The following SLC2A7 variants were observed in gnomAD, a reference collection of about 807,000 sequenced individuals.
SLC2A7 encodes solute carrier family 2, facilitated glucose transporter member 7.
In SLC2A7, 50 loss-of-function variants were observed where a neutral mutation model predicts 50.5. That is an observed-to-expected ratio of 0.99 (90% CI 0.79 to 1.25). The LOEUF is 1.25. SLC2A7 is among the 50% of genes most tolerant of loss of function. The probability of loss-of-function intolerance (pLI) is 0.00; values close to 1 mark genes in which losing one functional copy is unlikely to be tolerated. For synonymous variants in SLC2A7, 308 were observed against 300.4 expected, an observed-to-expected ratio of 1.03 and a Z score of -0.26; for missense variants, 683 against 679.1, an observed-to-expected ratio of 1.01 and a Z score of -0.06.
chr1:9,010,294 G>A (rs1456030085), intron 8 of SLC2A7, 50 bp from the exon 9 acceptor site: 8 of 1,471,936 alleles, frequency 5.4e-6, no homozygotes, highest in Non-Finnish European at 9.3e-7. Flanking sequence ...GGCGCCCACG[G>A]TTCTTGGGCC....
intron 2 of SLC2A7, among the ~76,000 whole-genome samples, chr1:9,023,476 G>A (rs1422632634): frequency 2.0e-5 from 3 of 152,122 alleles, no homozygotes; most frequent in South Asian, 2.1e-4. Flanking sequence ...GCGTGGTGGC[G>A]GGCGCCTGTA....
chr1:8,997,636 G>A, the SLC2A7 span, among the ~76,000 whole-genome samples: 1 of 152,096 alleles, frequency 6.6e-6, no homozygotes, highest in Non-Finnish European at 1.5e-5. Flanking sequence ...CTGACCTGGT[G>A]ATCTGCCTGC....
At chr1:9,017,735 T>C (rs922970321) in intron 5 of SLC2A7, among the ~76,000 whole-genome samples, 1 of 152,054 alleles carries the variant, frequency 6.6e-6, no homozygotes, top group Admixed American at 6.6e-5. Context: ...CACACTCCTC[T>C]CTCCTAAATC....
chr1:8,997,323 CAAAT>C, the SLC2A7 span, among the ~76,000 whole-genome samples: 10 of 152,068 alleles, frequency 6.6e-5, no homozygotes, highest in Non-Finnish European at 1.0e-4. Context: ...AACAAACAAA[CAAAT>C]AAACAAACAA....
intron 5 of SLC2A7, among the ~76,000 whole-genome samples, chr1:9,017,958 G>A (rs778022322): frequency 6.6e-6 from 1 of 151,800 alleles, no homozygotes; most frequent in Non-Finnish European, 1.5e-5. Context: ...CTCTTCTCTC[G>A]ACCTCACTTC....
intron 3 of SLC2A7, among the ~76,000 whole-genome samples, chr1:9,020,550 G>GCC (rs542024818): frequency 2.7e-4 from 38 of 143,074 alleles, no homozygotes; most frequent in East Asian, 1.8e-3. Context: ...TGGCTCCTGT[G>GCC]CCCCCCCCCA....
At chr1:9,016,623 AGGAG>A (rs1282913226) in intron 5 of SLC2A7, among the ~76,000 whole-genome samples, 1 of 146,642 alleles carries the variant, frequency 6.8e-6, no homozygotes, top group Admixed American at 6.8e-5. Context: ...AAGGAAGGGA[AGGAG>A]GGAGGGAGGG....
chr1:9,012,123 C>T (rs921536433), intron 8 of SLC2A7, among the ~76,000 whole-genome samples: 2 of 152,092 alleles, frequency 1.3e-5, no homozygotes, highest in African/African-American at 4.8e-5. Flanking sequence ...CTGTACAGCC[C>T]CTTGACTCAT....
Position 9,023,021 on chromosome 1 carries a change from C to T in SLC2A7, c.208G>A (p.Gly70Arg), listed in dbSNP as rs142873567. The T allele has an allele frequency of 5.0e-5, 80 of 1,614,108 alleles. No homozygotes were observed. In the Middle Eastern group the frequency reaches 6.6e-4, roughly 13 times the overall value. Reference protein sequence around the residue: ...YFERHATFMDGKLMLLLWSCT... With the variant: ...YFERHATFMDRKLMLLLWSCT... The stretch of plus-strand genomic sequence containing the variant: ...GACCATAGAAGCAGCATGAGCTTCC[C>T]GTCCATGAATGTTGCGTGTCGCTCA... The change falls in exon 3 of 12, where the codon GGG becomes AGG. Residue 70 changes from glycine to arginine, a missense_variant. Coordinates refer to ENST00000400906, the MANE Select transcript of SLC2A7 (RefSeq NM_207420.3).
In SLC2A7 at chr1:9,013,572, C is replaced by G; in HGVS notation, c.967G>C (p.Val323Leu). 6.2e-7 allele frequency: 1 copy of G among 1,614,088 alleles called. No individual in the cohort carries two copies. Among genetic ancestry groups the G allele is most frequent in the Non-Finnish European group, 8.5e-7 (1 of 1,180,014 alleles). ...AGVEAAHSQY[V>L]TVGSGVVNIV... ...TTGACGACGCCAGAGCCCACCGTTA[C>G]ATATTGGGAGTGAGCGGCCTCCACG... The change falls in exon 8 of 12, where the codon GTA becomes CTA. Residue 323 changes from valine to leucine, a missense_variant. By Grantham distance (32) the Val-to-Leu change is conservative. Transcript: ENST00000400906.
In SLC2A7 at chr1:9,018,245, C is replaced by T. The variant is rs1190611114; in HGVS notation, c.567G>A (p.Gln189=). The change falls in exon 5 of 12, where the codon CAG becomes CAA. Residue 189 remains glutamine (Q), a synonymous_variant. Coordinates refer to ENST00000400906, the MANE Select transcript of SLC2A7 (RefSeq NM_207420.3). ...TACCTGCCGGGTTGCCCAAGATGGC[C>T]TGGAGGCTGAAGATCTGTGCTAGGA... ...GVFLAQIFSL[Q]AILGNPAGWP... The T allele has an allele frequency of 6.2e-7, 1 of 1,614,146 alleles. No homozygotes were observed. Among genetic ancestry groups the T allele is most frequent in the Non-Finnish European group, 8.5e-7 (1 of 1,180,034 alleles).
intron 5 of SLC2A7, among the ~76,000 whole-genome samples, chr1:9,016,964 C>A (rs539854915): frequency 1.3e-5 from 2 of 152,230 alleles, no homozygotes; most frequent in South Asian, 4.1e-4. Flanking sequence ...TCCCACTCCC[C>A]CCGAGGCTAA....
intron 3 of SLC2A7, 77 bp downstream of exon 3, chr1:9,022,841 C>A (rs1640931692): frequency 1.3e-6 from 2 of 1,558,134 alleles, no homozygotes; most frequent in South Asian, 2.4e-5. Flanking sequence ...CGTCTCCCCA[C>A]CAGGTGCACA....
chr1:9,018,457 C>T (rs1251494578), intron 4 of SLC2A7, 82 bp from the exon 5 acceptor site: 28 of 1,553,786 alleles, frequency 1.8e-5, no homozygotes, highest in Non-Finnish European at 2.4e-5. Context: ...TTTCCTAATC[C>T]CGGGGCTTCT....
chr1:9,000,744 T>TGG (rs35214587), downstream of SLC2A7, among the ~76,000 whole-genome samples: 1 of 121,822 alleles, frequency 8.2e-6, no homozygotes, highest in Non-Finnish European at 1.7e-5. Context: ...GTGACTTTCC[T>TGG]GGTGTGTGTG....
chr1:9,010,896 C>T (rs1482479911), intron 8 of SLC2A7, among the ~76,000 whole-genome samples: 2 of 152,174 alleles, frequency 1.3e-5, no homozygotes, highest in Non-Finnish European at 2.9e-5. Flanking sequence ...GAGGGACTGC[C>T]CTTCCCACCC....
chr1:9,002,203 A>G (rs376450291), downstream of SLC2A7, among the ~76,000 whole-genome samples: 1 of 152,028 alleles, frequency 6.6e-6, no homozygotes, highest in East Asian at 1.9e-4. Context: ...GCCTCGTGGG[A>G]GGGGAAAGAC....
At chr1:9,023,818 C>A (rs1640951042) in intron 2 of SLC2A7, among the ~76,000 whole-genome samples, 1 of 143,908 alleles carries the variant, frequency 6.9e-6, no homozygotes. Context: ...GCCAGAGGCA[C>A]CATAGGAAAT....
At chr1:9,019,420 C>T (rs1164392776) in intron 3 of SLC2A7, 87 bp from the exon 4 acceptor site, 1 of 1,548,692 alleles carries the variant, frequency 6.5e-7, no homozygotes, top group Admixed American at 1.9e-5. Flanking sequence ...CGGGCAGTCA[C>T]TACAGAGGCG....
Sources: gnomAD v4.1 joint callset for allele counts (sites outside exome capture counted in the v4.1 genomes callset) on GRCh38, gnomAD v4.1.1 for gene constraint, MANE v1.5 for transcripts, NCBI Gene and HGNC (gene_info 2026-07-23, HGNC 2026-07-21) for gene names.